The following MTNR1A variants were observed in gnomAD, a reference collection of about 807,000 sequenced individuals.
The protein encoded by MTNR1A is melatonin receptor type 1A.
Under a neutral mutation model 5.5 loss-of-function variants are expected in MTNR1A, and 7 were observed. The observed-to-expected ratio is 1.28, with a 90% confidence interval of 0.73 to 2.40. The LOEUF (loss-of-function observed/expected upper bound fraction) is 2.40, where lower values mean the gene tolerates loss of function less well. Ranked by LOEUF, MTNR1A falls within the 30% of genes most tolerant of loss-of-function variation. The pLI is 0.00. For missense variants in MTNR1A, 441 were observed against 464.4 expected, an observed-to-expected ratio of 0.95 and a Z score of 0.46; for synonymous variants, 196 against 202.7, an observed-to-expected ratio of 0.97 and a Z score of 0.28.
In MTNR1A at chr4:186,533,668, C is replaced by G. The variant is rs2111361089; in HGVS notation, c.*21G>C. 6.2e-7 allele frequency: 1 copy of G among 1,613,348 alleles called. No individual in the cohort carries two copies. The highest frequency in any genetic ancestry group is 1.1e-5 in the South Asian group (1 of 91,012). On this transcript the variant is annotated 3_prime_UTR_variant, in exon 2 of 2. Coordinates refer to ENST00000307161, the MANE Select transcript of MTNR1A (RefSeq NM_005958.4). ...GAGGCCTTGCGCAGCGTGTCCATCT[C>G]ACCCGGAACGTGGTGCTTTTTTAAA...
chr4:186,543,072 G>A (rs114646954), intron 1 of MTNR1A, among the ~76,000 whole-genome samples: 1,975 of 152,254 alleles, frequency 0.013, 38 homozygotes, highest in African/African-American at 0.045. Context: ...CAGCTCAGGC[G>A]ACAGAGCAAG....
intron 1 of MTNR1A, among the ~76,000 whole-genome samples, chr4:186,551,715 C>T (rs1367538401): frequency 6.6e-6 from 1 of 152,106 alleles, no homozygotes; most frequent in African/African-American, 2.4e-5. Context: ...AGCCGTGGTA[C>T]ATCCGAGACT....
intron 1 of MTNR1A, among the ~76,000 whole-genome samples, chr4:186,542,054 C>T (rs1737037150): frequency 6.6e-6 from 1 of 152,198 alleles, no homozygotes; most frequent in Admixed American, 6.5e-5. Context: ...GTTGTCATGG[C>T]AGCAAGGATA....
At chr4:186,543,686 A>T (rs1737077464) in intron 1 of MTNR1A, among the ~76,000 whole-genome samples, 1 of 152,242 alleles carries the variant, frequency 6.6e-6, no homozygotes, top group African/African-American at 2.4e-5. Flanking sequence ...AGAATAATAA[A>T]AATGATGTAA....
intron 1 of MTNR1A, among the ~76,000 whole-genome samples, chr4:186,539,245 A>T (rs1280980824): frequency 6.7e-6 from 1 of 149,998 alleles, no homozygotes; most frequent in Non-Finnish European, 1.5e-5. Context: ...GGCCACCTGT[A>T]TTCACCTTCC....
rs118071340 is a variant in MTNR1A, at chr4:186,546,039, C to T, written c.184+9143G>A. ...AAAAGCCGGATTCAGATCCCAGCCA[C>T]GCCACTTGCTAACGTGACCTCAGGT... On this transcript the variant is annotated intron_variant, in intron 1 of 1. Transcript: ENST00000307161. Among the ~76,000 whole-genome samples the T allele has an allele frequency of 4.2e-4, 64 of 152,326 alleles. 1 individual carries two copies. In the East Asian group the frequency reaches 9.5e-3, roughly 23 times the overall value.
intron 1 of MTNR1A, among the ~76,000 whole-genome samples, chr4:186,551,810 A>G (rs1737271968): frequency 6.6e-6 from 1 of 152,212 alleles, no homozygotes; most frequent in South Asian, 2.1e-4. Flanking sequence ...ATGAATAAAT[A>G]TAACATTCTA....
intron 1 of MTNR1A, among the ~76,000 whole-genome samples, chr4:186,542,619 T>C (rs1318506568): frequency 6.6e-6 from 1 of 152,174 alleles, no homozygotes; most frequent in Non-Finnish European, 1.5e-5. Flanking sequence ...TAACATAGAA[T>C]GTTGTTCATC....
In MTNR1A at chr4:186,554,631, G is replaced by A. The variant is rs1446243972; in HGVS notation, c.184+551C>T. ...TGCCTACTCTAACACAACAACTTCC[G>A]TTTTTAAAGTGTCAACTTGTTTACT... On this transcript the variant is annotated intron_variant, in intron 1 of 1. Transcript: ENST00000307161. Among the ~76,000 whole-genome samples the A allele has an allele frequency of 2.0e-5, 3 of 152,264 alleles. No homozygotes were observed. The East Asian group carries it at 5.8e-4, about 29-fold the overall frequency.
At chr4:186,552,241 A>T (rs1737278925) in intron 1 of MTNR1A, among the ~76,000 whole-genome samples, 1 of 152,090 alleles carries the variant, frequency 6.6e-6, no homozygotes. Context: ...TATTTCTTTA[A>T]ATGTGTCAAT....
At chr4:186,546,801 C>T (rs1043139492) in intron 1 of MTNR1A, among the ~76,000 whole-genome samples, 3 of 149,080 alleles carry the variant, frequency 2.0e-5, no homozygotes, top group African/African-American at 5.0e-5. Context: ...TGGGACACAC[C>T]GTCCACACCA....
Position 186,534,515 on chromosome 4 carries a change from AC to A in MTNR1A, c.226del (p.Val76TrpfsTer10). On this transcript the variant is annotated frameshift_variant, in exon 2 of 2. Coordinates refer to ENST00000307161, the MANE Select transcript of MTNR1A (RefSeq NM_005958.4). LOFTEE classifies it low-confidence loss of function (END_TRUNC). ...CACCAACGGGTACGGATAAATGGCC[AC>A]CACCAGGTCTGCCACCGCTAAGCTC... ...VVSLAVADLV[V>X]AIYPYPLVLM... is the part of the protein sequence containing the mutation. The A allele has an allele frequency of 6.2e-7, 1 of 1,613,862 alleles. No individual in the cohort carries two copies. The highest frequency in any genetic ancestry group is 2.2e-5 in the East Asian group (1 of 44,864).
intron 1 of MTNR1A, among the ~76,000 whole-genome samples, chr4:186,549,156 A>C (rs1197628430): frequency 6.6e-6 from 1 of 152,062 alleles, no homozygotes; most frequent in East Asian, 1.9e-4. Context: ...GGCATCCAGC[A>C]AGCATTTAAA....
At chr4:186,534,646 G>A in intron 1 of MTNR1A, 89 bp from the exon 2 acceptor site, 1 of 1,503,004 alleles carries the variant, frequency 6.7e-7, no homozygotes, top group South Asian at 1.2e-5. Flanking sequence ...TGCTTCTGCA[G>A]CTCCGATGAC....
chr4:186,548,038 C>T (rs1283941416), intron 1 of MTNR1A, among the ~76,000 whole-genome samples: 4 of 152,106 alleles, frequency 2.6e-5, no homozygotes, highest in Admixed American at 6.5e-5. Flanking sequence ...TACCTTTATT[C>T]GTCTTAGAGA....
In MTNR1A at chr4:186,534,713, G is replaced by A. The variant is rs1000831486; in HGVS notation, c.185-156C>T. On this transcript the variant is annotated intron_variant, in intron 1 of 1. Transcript: ENST00000307161. ...GAAGTGGAGGCCGTTTCCCAGGAGG[G>A]CCAGTCCACTGCCGCTCCTGACACA... 2.7e-5 allele frequency among the ~76,000 whole-genome samples: 4 copies of A among 148,680 alleles called. No homozygotes were observed. The South Asian group carries it at 8.6e-4, about 32-fold the overall frequency.
chr4:186,552,125 G>A (rs896332485), intron 1 of MTNR1A, among the ~76,000 whole-genome samples: 2 of 152,168 alleles, frequency 1.3e-5, no homozygotes, highest in Admixed American at 6.5e-5. Context: ...GGTGAGCAGG[G>A]CTGTTCACAT....
chr4:186,540,947 T>G (rs1220305766), intron 1 of MTNR1A, among the ~76,000 whole-genome samples: 1 of 151,886 alleles, frequency 6.6e-6, no homozygotes, highest in Non-Finnish European at 1.5e-5. Flanking sequence ...ATCACAAAGT[T>G]GCCCATCACA....
chr4:186,549,862 A>G (rs374305387), intron 1 of MTNR1A, among the ~76,000 whole-genome samples: 5 of 152,176 alleles, frequency 3.3e-5, no homozygotes, highest in African/African-American at 9.7e-5. Flanking sequence ...ATCCAGGTAA[A>G]TGTTCAGCTC....
Sources: allele counts gnomAD v4.1 joint callset (sites outside exome capture counted in the v4.1 genomes callset), GRCh38; gene constraint gnomAD v4.1.1; transcripts MANE v1.5; gene names NCBI Gene and HGNC (gene_info 2026-07-23, HGNC 2026-07-21).